The following SERPINB10 variants were observed in gnomAD, a reference collection of about 807,000 sequenced individuals.
SERPINB10 encodes the protein serpin family B member 10.
Under a neutral mutation model 39.1 loss-of-function variants are expected in SERPINB10, and 35 were observed. The observed-to-expected ratio is 0.90, with a 90% confidence interval of 0.68 to 1.19. The LOEUF is 1.19. SERPINB10 is among the 50% of genes most tolerant of loss of function. The pLI is 0.00. For synonymous variants in SERPINB10, 190 were observed against 158.1 expected (o/e 1.20, Z -1.52); for missense variants, 546 against 460.5 (o/e 1.19, Z -1.70).
chr18:63,934,951 T>A lies in SERPINB10; in HGVS notation c.903T>A (p.Asp301Glu), dbSNP rs1568252020. The stretch of plus-strand genomic sequence containing the variant: ...AGTTCAAGCTGGAAGACAGTTATGA[T>A]CTCAAGTCAACCCTGAGCAGTATGG... ...LPKFKLEDSY[D>E]LKSTLSSMGM... The change falls in exon 8 of 8, where the codon GAT becomes GAA. Residue 301 changes from aspartate to glutamate, a missense_variant. By Grantham distance (45) the Asp-to-Glu change is conservative (BLOSUM62 2). Transcript: ENST00000238508. 6.2e-7 allele frequency: 1 copy of A among 1,614,224 alleles called. No homozygotes were observed. Among genetic ancestry groups the A allele is most frequent in the African/African-American group, 1.3e-5 (1 of 75,066 alleles).
At chr18:63,917,932 C>T (rs1461432247) in intron 3 of SERPINB10, 33 bp from the exon 4 acceptor site, 4 of 1,598,548 alleles carry the variant, frequency 2.5e-6, no homozygotes, top group East Asian at 2.2e-5. Context: ...TCTTGTTCAA[C>T]ATTTTATTTG....
intron 7 of SERPINB10, among the ~76,000 whole-genome samples, chr18:63,934,138 A>G (rs1320552019): frequency 6.6e-6 from 1 of 152,218 alleles, no homozygotes; most frequent in African/African-American, 2.4e-5. Context: ...TTCCGTCTAG[A>G]AGATGCATGT....
chr18:63,922,126 C>G (rs1392209728), intron 5 of SERPINB10, among the ~76,000 whole-genome samples: 4 of 151,954 alleles, frequency 2.6e-5, no homozygotes, highest in Non-Finnish European at 4.4e-5. Context: ...AGCTTTAAAT[C>G]ACACATAACA....
Position 63,933,189 on chromosome 18 carries a change from A to C in SERPINB10, c.775A>C (p.Asn259His). ...SLLILLPEDI[N>H]GLEQLEKAIT... Reference sequence around the variant, plus strand: ...GCTTATACTACTGCCAGAAGACATTAATGGGCTGGAACAGGTAAATAACAT... The same window carrying C: ...GCTTATACTACTGCCAGAAGACATTCATGGGCTGGAACAGGTAAATAACAT... Residue 259 changes from asparagine to histidine, a missense_variant, in exon 7 of 8, where the codon AAT (asparagine) becomes CAT (histidine). Coordinates refer to ENST00000238508, the MANE Select transcript of SERPINB10 (RefSeq NM_005024.3). 6.2e-7 allele frequency: 1 copy of C among 1,614,002 alleles called. No individual in the cohort carries two copies. Among genetic ancestry groups the C allele is most frequent in the Non-Finnish European group, 8.5e-7 (1 of 1,179,910 alleles).
At chr18:63,930,972 T>G (rs926620782) in intron 6 of SERPINB10, among the ~76,000 whole-genome samples, 2 of 152,130 alleles carry the variant, frequency 1.3e-5, no homozygotes, top group Non-Finnish European at 2.9e-5. Context: ...ATGTGTGCAA[T>G]AGGTATTTCT....
intron 1 of SERPINB10, among the ~76,000 whole-genome samples, chr18:63,912,016 G>GTATTT (rs372295518): frequency 2.0e-5 from 3 of 151,746 alleles, no homozygotes; most frequent in African/African-American, 7.2e-5. Context: ...GTATTCCTGG[G>GTATTT]TATTTTATTT....
intron 1 of SERPINB10, among the ~76,000 whole-genome samples, chr18:63,909,925 C>A (rs1875531045): frequency 1.3e-5 from 2 of 152,002 alleles, no homozygotes; most frequent in Admixed American, 6.6e-5. Flanking sequence ...TACTACAGAT[C>A]TACAGTCTTT....
At chr18:63,919,610 T>A (rs905572126) in intron 4 of SERPINB10, among the ~76,000 whole-genome samples, 178 bp from the exon 5 acceptor site, 2 of 151,916 alleles carry the variant, frequency 1.3e-5, no homozygotes, top group Non-Finnish European at 2.9e-5. Context: ...CCTGCTAAGT[T>A]TGAAGAGTGA....
chr18:63,916,814 A>T (rs8085341), intron 2 of SERPINB10, among the ~76,000 whole-genome samples: 8 of 151,980 alleles, frequency 5.3e-5, no homozygotes, highest in African/African-American at 1.9e-4. Flanking sequence ...TGTTCTGTTA[A>T]CATGGGTCAA....
intron 5 of SERPINB10, 101 bp from the exon 6 acceptor site, chr18:63,929,944 G>C: frequency 7.9e-7 from 1 of 1,270,756 alleles, no homozygotes. Context: ...GACTTTTAAA[G>C]AAAACTTTTA....
At chr18:63,909,832 C>A (rs557593916) in intron 1 of SERPINB10, among the ~76,000 whole-genome samples, 1 of 152,128 alleles carries the variant, frequency 6.6e-6, no homozygotes, top group Non-Finnish European at 1.5e-5. Context: ...AAAGGAAATA[C>A]AGAGTTATTT....
At chr18:63,911,521 T>C (rs1468767382) in intron 1 of SERPINB10, among the ~76,000 whole-genome samples, 5 of 152,050 alleles carry the variant, frequency 3.3e-5, no homozygotes, top group Admixed American at 2.6e-4. Flanking sequence ...CCCAGCATCA[T>C]TTATTGAATA....
chr18:63,918,061 G>T lies in SERPINB10; in HGVS notation c.331G>T (p.Ala111Ser). 1 of 1,612,410 alleles carries T rather than the reference G, an allele frequency of 6.2e-7. No individual in the cohort carries two copies. Among genetic ancestry groups the T allele is most frequent in the Non-Finnish European group, 8.5e-7 (1 of 1,179,046 alleles). ...CAACGATGACTACTTACTTAAAACA[G>T]CCAATGCGATATATGGAGAGAAAAC... is the stretch of plus-strand genomic sequence containing the variant. ...KPNDDYLLKTANAIYGEKTYA... is the reference protein window; with the variant it reads ...KPNDDYLLKTSNAIYGEKTYA... Residue 111 changes from alanine (A) to serine (S), a missense_variant, in exon 4 of 8, where the codon GCC becomes TCC. Coordinates refer to ENST00000238508, the MANE Select transcript of SERPINB10 (RefSeq NM_005024.3).
intron 4 of SERPINB10, among the ~76,000 whole-genome samples, chr18:63,919,469 G>T (rs1257227498): frequency 6.6e-6 from 1 of 151,872 alleles, no homozygotes; most frequent in Non-Finnish European, 1.5e-5. Context: ...CTTGTTATTT[G>T]TAGTCCCTTT....
chr18:63,915,628 A>G lies in SERPINB10; in HGVS notation c.118A>G (p.Thr40Ala). The part of the protein sequence containing the change: ...FSSWSISTSL[T>A]IVYLGAKGTT... ...TTCCTGGAGCATCTCAACTTCCTTG[A>G]CCATAGTGTATTTGGGCGCCAAAGG... The change falls in exon 2 of 8, where the codon ACC becomes GCC. Residue 40 changes from threonine to alanine, a missense_variant. Transcript: ENST00000238508. 1 of 1,612,632 alleles carries G rather than the reference A, an allele frequency of 6.2e-7. No homozygotes were observed. The highest frequency in any genetic ancestry group is 8.5e-7 in the Non-Finnish European group (1 of 1,179,140).
intron 5 of SERPINB10, among the ~76,000 whole-genome samples, chr18:63,925,871 CA>C (rs1288654091): frequency 2.6e-5 from 4 of 151,644 alleles, no homozygotes; most frequent in African/African-American, 9.7e-5. Flanking sequence ...CACATGATAC[CA>C]AAAAATAAAA....
chr18:63,908,473 A>G (rs1428743747), intron 1 of SERPINB10, among the ~76,000 whole-genome samples: 2 of 151,978 alleles, frequency 1.3e-5, no homozygotes, highest in Non-Finnish European at 1.5e-5. Flanking sequence ...GGCACCCTGA[A>G]TTTGGATCCT....
chr18:63,928,301 T>C (rs2050194594), intron 5 of SERPINB10, among the ~76,000 whole-genome samples: 1 of 152,080 alleles, frequency 6.6e-6, no homozygotes, highest in Admixed American at 6.6e-5. Context: ...ACCTCAGTTA[T>C]CAAACATGTG....
At chr18:63,914,939 T>G (rs557909873) in intron 1 of SERPINB10, among the ~76,000 whole-genome samples, 93 of 152,222 alleles carry the variant, frequency 6.1e-4, no homozygotes, top group African/African-American at 2.2e-3. Flanking sequence ...ACAAACAGTC[T>G]TAACTTCTCA....
Sources: gnomAD v4.1 joint callset for allele counts (sites outside exome capture counted in the v4.1 genomes callset) on GRCh38, gnomAD v4.1.1 for gene constraint, MANE v1.5 for transcripts, NCBI Gene and HGNC (gene_info 2026-07-23, HGNC 2026-07-21) for gene names.